Variants in DCLK2 observed in about 807,000 individuals in gnomAD.
DCLK2 encodes the protein doublecortin like kinase 2.
DCLK2 carries 31 observed loss-of-function variants against 78.4 expected under a neutral mutation model. The observed-to-expected ratio is 0.40, with a 90% CI of 0.30 to 0.53. The LOEUF is 0.53. Among genes scored for constraint, DCLK2 ranks in the 20% least tolerant of loss-of-function variants. The probability of loss-of-function intolerance (pLI) is 0.61; values close to 1 mark genes in which losing one functional copy is unlikely to be tolerated. For synonymous variants in DCLK2, 407 were observed against 374.9 expected (o/e 1.09, Z -0.99); for missense variants, 872 against 973.7 (o/e 0.90, Z 1.39).
At position 150,149,093 on chromosome 4, in the gene DCLK2, A is replaced by AAAAG. The variant is rs554232399; in HGVS notation, c.757-44025_757-44022dup. The stretch of plus-strand genomic sequence containing the variant: ...AGACCATGGATACCTGAAAGAAAAG[A>AAAAG]AAAGAAAGAAAGAAAGAAAGAAATG... On this transcript the variant is annotated intron_variant, in intron 2 of 15. Coordinates refer to ENST00000296550, the MANE Select transcript of DCLK2 (RefSeq NM_001040260.4). Among the ~76,000 whole-genome samples the AAAAG allele has an allele frequency of 2.7e-3, 412 of 151,632 alleles. 3 individuals carry two copies. The highest frequency in any genetic ancestry group is 2.7e-3 in the Non-Finnish European group (183 of 67,912).
intron 10 of DCLK2, among the ~76,000 whole-genome samples, chr4:150,236,333 T>C (rs187900577): frequency 2.0e-4 from 30 of 152,302 alleles, no homozygotes; most frequent in Middle Eastern, 3.4e-3. Context: ...GTACAGAATC[T>C]TGCAGAATGG....
chr4:150,242,204 G>C (rs752817072), intron 12 of DCLK2, among the ~76,000 whole-genome samples: 2 of 152,180 alleles, frequency 1.3e-5, no homozygotes, highest in African/African-American at 2.4e-5. Context: ...TATAGATAAA[G>C]ACACACCTCA....
intron 4 of DCLK2, among the ~76,000 whole-genome samples, chr4:150,198,710 A>G (rs1254994087): frequency 1.3e-5 from 2 of 152,180 alleles, no homozygotes; most frequent in African/African-American, 2.4e-5. Context: ...TATTGATTTT[A>G]TGGGTTTGTT....
At chr4:150,198,932 G>T in intron 4 of DCLK2, 2 of 585,198 alleles carry the variant, frequency 3.4e-6, no homozygotes, top group Non-Finnish European at 5.8e-6. Context: ...ACTTTCTGTA[G>T]GGCAGGTCGT....
chr4:150,122,702 T>G (rs957360035), intron 2 of DCLK2, among the ~76,000 whole-genome samples: 1 of 152,198 alleles, frequency 6.6e-6, no homozygotes, highest in Non-Finnish European at 1.5e-5. Flanking sequence ...TGTATACCTA[T>G]GTAACAAACC....
chr4:150,088,934 G>A (rs1729846366), intron 1 of DCLK2, among the ~76,000 whole-genome samples: 1 of 152,186 alleles, frequency 6.6e-6, no homozygotes, highest in Admixed American at 6.5e-5. Context: ...CCAATGGCAG[G>A]TTCTCCACAA....
At chr4:150,101,042 C>T (rs1047950883) in intron 1 of DCLK2, among the ~76,000 whole-genome samples, 1 of 152,124 alleles carries the variant, frequency 6.6e-6, no homozygotes, top group Non-Finnish European at 1.5e-5. Context: ...CGCTTGAACA[C>T]AGGAGTTCAA....
intron 2 of DCLK2, among the ~76,000 whole-genome samples, chr4:150,171,791 C>G (rs1027363188): frequency 2.0e-5 from 3 of 152,218 alleles, no homozygotes; most frequent in Non-Finnish European, 2.9e-5. Context: ...ACCACAACTT[C>G]CATTGTCCAT....
chr4:150,081,092 C>T (rs1216060546), intron 1 of DCLK2, among the ~76,000 whole-genome samples: 1 of 152,210 alleles, frequency 6.6e-6, no homozygotes, highest in Non-Finnish European at 1.5e-5. Flanking sequence ...TTTGCAGGAT[C>T]AAGGCAATGC....
At chr4:150,211,814 C>G (rs887306014) in intron 5 of DCLK2, among the ~76,000 whole-genome samples, 1 of 152,132 alleles carries the variant, frequency 6.6e-6, no homozygotes, top group African/African-American at 2.4e-5. Context: ...TGACCCCAAC[C>G]TATGATCTTC....
chr4:150,212,588 A>G (rs1381139963), intron 5 of DCLK2, among the ~76,000 whole-genome samples: 3 of 152,222 alleles, frequency 2.0e-5, no homozygotes, highest in Non-Finnish European at 4.4e-5. Flanking sequence ...GGGGCTAAGC[A>G]GTTTTGAAGT....
intron 3 of DCLK2, among the ~76,000 whole-genome samples, chr4:150,194,047 A>G (rs1441270402): frequency 1.3e-5 from 2 of 150,980 alleles, no homozygotes; most frequent in East Asian, 3.9e-4. Flanking sequence ...ACACACACAC[A>G]CACACACACA....
intron 2 of DCLK2, among the ~76,000 whole-genome samples, chr4:150,187,904 A>AT (rs1738077817): frequency 6.7e-6 from 1 of 149,876 alleles, no homozygotes; most frequent in Admixed American, 6.7e-5. Flanking sequence ...GGTTCAAGCG[A>AT]TTCCCCCTGC....
intron 2 of DCLK2, among the ~76,000 whole-genome samples, chr4:150,129,792 T>G (rs1438773111): frequency 6.6e-6 from 1 of 151,790 alleles, no homozygotes; most frequent in African/African-American, 2.4e-5. Context: ...ATGGAACAAC[T>G]AGCCATACTT....
Position 150,239,827 on chromosome 4 carries a change from T to C in DCLK2, c.1652T>C (p.Val551Ala), listed in dbSNP as rs1457545017. 6.2e-7 allele frequency: 1 copy of C among 1,614,116 alleles called. No homozygotes were observed. The highest frequency in any genetic ancestry group is 1.7e-5 in the Admixed American group (1 of 60,004). The change falls in exon 11 of 16, where the codon GTC becomes GCC. Residue 551 changes from valine (V) to alanine (A), a missense_variant. By Grantham distance (64) the Val-to-Ala change is moderately conservative (BLOSUM62 0). Transcript: ENST00000296550. ...ATVVEGPLYTVCGTPTYVAPE... is the reference protein window; with the variant it reads ...ATVVEGPLYTACGTPTYVAPE... ...GTGGTAGAAGGCCCTTTATACACAG[T>C]CTGTGGCACACCCACTTATGTGGCT...
intron 2 of DCLK2, among the ~76,000 whole-genome samples, chr4:150,146,611 A>G (rs4320118): frequency 0.78 from 119,183 of 152,092 alleles, 46,845 homozygotes; most frequent in South Asian, 0.91. Flanking sequence ...AGATGCATGA[A>G]TCTGTTGCAT....
At chr4:150,187,147 T>G (rs1450792074) in intron 2 of DCLK2, among the ~76,000 whole-genome samples, 1 of 152,168 alleles carries the variant, frequency 6.6e-6, no homozygotes, top group African/African-American at 2.4e-5. Context: ...AAGTCAAATC[T>G]TTCTTATCCA....
chr4:150,111,422 G>A (rs1414878638), intron 2 of DCLK2, among the ~76,000 whole-genome samples: 1 of 152,038 alleles, frequency 6.6e-6, no homozygotes, highest in South Asian at 2.1e-4. Context: ...TTCTCCTGTT[G>A]TGTAGGTTGT....
Position 150,117,763 on chromosome 4 carries a change from G to C in DCLK2, c.756+14951G>C, listed in dbSNP as rs537900677. Among the ~76,000 whole-genome samples, 3 of 152,286 alleles carry C rather than the reference G, an allele frequency of 2.0e-5. No individual in the cohort carries two copies. The South Asian group carries it at 6.2e-4, about 32-fold the overall frequency. On this transcript the variant is annotated intron_variant, in intron 2 of 15. Transcript: ENST00000296550. ...CTTATAGTTTTCCACCTGGCTCATA[G>C]TGTAGGCTGCAGCCCACTGCTTTTT... is the stretch of plus-strand genomic sequence containing the variant.
Sources: gnomAD v4.1 joint callset for allele counts (sites outside exome capture counted in the v4.1 genomes callset) on GRCh38, gnomAD v4.1.1 for gene constraint, MANE v1.5 for transcripts, NCBI Gene and HGNC (gene_info 2026-07-23, HGNC 2026-07-21) for gene names.